The following NTM variants were observed in gnomAD, a reference collection of about 807,000 sequenced individuals.
NTM encodes the protein neurotrimin.
Under a neutral mutation model 42.1 loss-of-function variants are expected in NTM, and 13 were observed. The ratio of observed to expected loss-of-function variants is 0.31; its 90% CI spans 0.20 to 0.49. The LOEUF (loss-of-function observed/expected upper bound fraction) is 0.49. Ranked by LOEUF, NTM falls within the 20% of genes least tolerant of loss-of-function variation. NTM has a pLI of 0.99. For missense variants in NTM, 373 were observed against 452.8 expected (o/e 0.82, Z 1.60); for synonymous variants, 187 against 179.2 (o/e 1.04, Z -0.35).
At chr11:132,084,506 G>A (rs2059463000) in intron 2 of NTM, among the ~76,000 whole-genome samples, 1 of 152,058 alleles carries the variant, frequency 6.6e-6, no homozygotes, top group Non-Finnish European at 1.5e-5. Context: ...GACCCTCCAT[G>A]GCATCCAAAA....
chr11:132,145,828 T>C lies in NTM; in HGVS notation c.168-454T>C, dbSNP rs553998838. Among the ~76,000 whole-genome samples the C allele has an allele frequency of 5.2e-4, 79 of 152,276 alleles. 1 individual carries two copies. The highest frequency in any genetic ancestry group is 1.1e-3 in the Admixed American group (17 of 15,298). Reference sequence around the variant, plus strand: ...TTATTGTGTGACTTGGAGAACTAGTTTAGTTTAGTTTCTCTGCTCTTCTAG... The same window carrying C: ...TTATTGTGTGACTTGGAGAACTAGTCTAGTTTAGTTTCTCTGCTCTTCTAG... On this transcript the variant is annotated intron_variant, in intron 2 of 8. Transcript: ENST00000683400.
chr11:131,971,509 G>A (rs371063519), intron 2 of NTM, among the ~76,000 whole-genome samples: 1 of 152,124 alleles, frequency 6.6e-6, no homozygotes, highest in Non-Finnish European at 1.5e-5. Flanking sequence ...AGATATTGAA[G>A]ATATGTATCA....
At chr11:131,627,218 TA>T (rs1197119985) in intron 1 of NTM, among the ~76,000 whole-genome samples, 21 of 148,938 alleles carry the variant, frequency 1.4e-4, no homozygotes, top group South Asian at 4.2e-4. Flanking sequence ...AGGCGGCTTT[TA>T]TTTATTTATT....
intron 1 of NTM, among the ~76,000 whole-genome samples, chr11:131,644,137 C>G (rs2065476436): frequency 6.6e-6 from 1 of 152,264 alleles, no homozygotes; most frequent in African/African-American, 2.4e-5. Context: ...CCAAGAGATT[C>G]CTTCCCTTCA....
At chr11:131,872,857 C>G (rs1222612825) in intron 1 of NTM, among the ~76,000 whole-genome samples, 1 of 152,104 alleles carries the variant, frequency 6.6e-6, no homozygotes, top group East Asian at 1.9e-4. Context: ...TATGCATATA[C>G]CCAGTAATGA....
chr11:131,902,827 CAG>C (rs943292892), intron 1 of NTM, among the ~76,000 whole-genome samples: 1 of 152,186 alleles, frequency 6.6e-6, no homozygotes, highest in Non-Finnish European at 1.5e-5. Flanking sequence ...CAGCATGACT[CAG>C]GAATTATTTC....
intron 2 of NTM, among the ~76,000 whole-genome samples, chr11:132,132,296 T>C (rs1417982302): frequency 6.6e-6 from 1 of 152,234 alleles, no homozygotes; most frequent in East Asian, 1.9e-4. Context: ...CATTGTACTT[T>C]GAGAGTTAAA....
At chr11:131,948,665 T>C (rs1029065261) in intron 2 of NTM, among the ~76,000 whole-genome samples, 1 of 152,198 alleles carries the variant, frequency 6.6e-6, no homozygotes, top group Non-Finnish European at 1.5e-5. Context: ...TCATGGTATC[T>C]CAAGGGCTTC....
At chr11:131,383,146 T>G in intron 1 of NTM, among the ~76,000 whole-genome samples, 1 of 152,236 alleles carries the variant, frequency 6.6e-6, no homozygotes, top group East Asian at 1.9e-4. Context: ...TATCTCCAAA[T>G]GATACAGACA....
intron 4 of NTM, among the ~76,000 whole-genome samples, chr11:132,236,265 G>A (rs1319130081): frequency 6.6e-6 from 1 of 152,104 alleles, no homozygotes; most frequent in Non-Finnish European, 1.5e-5. Context: ...TAAGAACATT[G>A]AAGCTCAGAG....
Position 131,789,593 on chromosome 11 carries a change from A to G in NTM, c.83-121971A>G, listed in dbSNP as rs1176858512. 2.8e-4 allele frequency among the ~76,000 whole-genome samples: 18 copies of G among 64,872 alleles called. 1 individual carries two copies. Among genetic ancestry groups the G allele is most frequent in the African/African-American group, 4.9e-4 (7 of 14,232 alleles). The allele number at this position is 64,872 out of a possible 152,430, so 42.6% of individuals were successfully genotyped here. ...GAAGAAGAAGAAGAAGAAGAAGAAG[A>G]AGAAGAAGAAGAAGAAGAAGAAGAA... On this transcript the variant is annotated intron_variant, in intron 1 of 8. Coordinates refer to ENST00000683400, the MANE Select transcript of NTM (RefSeq NM_001352005.2).
At chr11:132,014,821 A>G (rs1003020707) in intron 2 of NTM, among the ~76,000 whole-genome samples, 2 of 143,570 alleles carry the variant, frequency 1.4e-5, no homozygotes, top group Admixed American at 7.2e-5. Flanking sequence ...GTTTGCAAAT[A>G]CTTTCTCCCA....
At chr11:131,874,264 T>G (rs1438663256) in intron 1 of NTM, among the ~76,000 whole-genome samples, 1 of 151,420 alleles carries the variant, frequency 6.6e-6, no homozygotes, top group Non-Finnish European at 1.5e-5. Context: ...CAGCAAGATG[T>G]GGAACAAGAG....
intron 2 of NTM, among the ~76,000 whole-genome samples, chr11:131,985,818 C>T (rs543085369): frequency 6.6e-6 from 1 of 152,224 alleles, no homozygotes; most frequent in South Asian, 2.1e-4. Flanking sequence ...TGAGCAGCAA[C>T]CAATCTCTCT....
At chr11:132,300,773 G>A (rs1179272638) in intron 4 of NTM, among the ~76,000 whole-genome samples, 3 of 152,122 alleles carry the variant, frequency 2.0e-5, no homozygotes, top group East Asian at 3.9e-4. Context: ...GGGACCCTCC[G>A]TTTACCTCAG....
At chr11:132,244,760 G>A (rs2090813376) in intron 4 of NTM, among the ~76,000 whole-genome samples, 1 of 152,188 alleles carries the variant, frequency 6.6e-6, no homozygotes, top group African/African-American at 2.4e-5. Context: ...GTGACCTCTG[G>A]GTGTTCTGCA....
At chr11:132,052,674 T>C (rs965587971) in intron 2 of NTM, among the ~76,000 whole-genome samples, 2 of 152,190 alleles carry the variant, frequency 1.3e-5, no homozygotes, top group African/African-American at 4.8e-5. Flanking sequence ...GGGAATGTTA[T>C]TTGATTTGGG....
chr11:132,177,856 CA>C (rs1383345889), intron 3 of NTM, among the ~76,000 whole-genome samples: 1 of 152,208 alleles, frequency 6.6e-6, no homozygotes, highest in Non-Finnish European at 1.5e-5. Context: ...AGTTAATTCC[CA>C]ATTGCTTCAG....
chr11:131,747,074 A>G (rs1189545682), intron 1 of NTM, among the ~76,000 whole-genome samples: 5 of 152,240 alleles, frequency 3.3e-5, no homozygotes, highest in African/African-American at 2.4e-5. Context: ...TAAGATTATG[A>G]TAAGCCTTTC....
Sources: allele counts gnomAD v4.1 joint callset (sites outside exome capture counted in the v4.1 genomes callset), GRCh38; gene constraint gnomAD v4.1.1; transcripts MANE v1.5; gene names NCBI Gene and HGNC (gene_info 2026-07-23, HGNC 2026-07-21).